Variants in CAMKMT observed in about 807,000 individuals in gnomAD.
CAMKMT encodes the protein CaM KMT.
A neutral mutation model predicts 48.0 loss-of-function variants in CAMKMT; 53 were observed. That is an observed-to-expected ratio of 1.10 (90% CI 0.89 to 1.39). CAMKMT has a LOEUF of 1.39. CAMKMT is among the 40% of genes most tolerant of loss of function. The probability of loss-of-function intolerance (pLI) is 0.00; values close to 1 mark genes in which losing one functional copy is unlikely to be tolerated. For missense variants in CAMKMT, 428 were observed against 402.7 expected (o/e 1.06, Z -0.54); for synonymous variants, 165 against 152.3 (o/e 1.08, Z -0.61).
At chr2:44,650,814 GT>G (rs1371599191) in intron 3 of CAMKMT, among the ~76,000 whole-genome samples, 1 of 150,986 alleles carries the variant, frequency 6.6e-6, no homozygotes, top group East Asian at 1.9e-4. Context: ...AGATTCATAA[GT>G]CCTAACTGTA....
At position 44,559,271 on chromosome 2, in the gene CAMKMT, G is replaced by T. The variant is rs1227745362; in HGVS notation, c.377-145012G>T. On this transcript the variant is annotated intron_variant, in intron 3 of 10. Transcript: ENST00000378494. Reference sequence around the variant, plus strand: ...TATTGCAGCTTCCCCTTCAGTTGAGGAACTCCTCCGAGAGCATCTGTCACA... The same window carrying T: ...TATTGCAGCTTCCCCTTCAGTTGAGTAACTCCTCCGAGAGCATCTGTCACA... 3.3e-5 allele frequency among the ~76,000 whole-genome samples: 5 copies of T among 152,114 alleles called. No homozygotes were observed. In the South Asian group the frequency reaches 1.0e-3, roughly 32 times the overall value.
At chr2:44,428,125 C>T (rs1200809420) in intron 3 of CAMKMT, among the ~76,000 whole-genome samples, 3 of 152,178 alleles carry the variant, frequency 2.0e-5, no homozygotes, top group Non-Finnish European at 4.4e-5. Flanking sequence ...TTTTTACACC[C>T]TGCCCTCTTG....
In CAMKMT at chr2:44,394,741, T is replaced by C. The variant is rs560836797; in HGVS notation, c.376+4436T>C. On this transcript the variant is annotated intron_variant, in intron 3 of 10. Transcript: ENST00000378494. ...CTGTGCCTGACCTGACCAGGATTTT[T>C]AATGCACACAGCTATAGACTTTGCT... 6.1e-5 allele frequency: 23 copies of C among 374,700 alleles called. No homozygotes were observed. In the East Asian group the frequency reaches 1.7e-3, roughly 28 times the overall value. The allele number at this position is 374,700 out of a possible 1,614,324, so 23.2% of individuals were successfully genotyped here.
At chr2:44,611,242 G>A (rs1671581373) in intron 3 of CAMKMT, among the ~76,000 whole-genome samples, 1 of 152,028 alleles carries the variant, frequency 6.6e-6, no homozygotes, top group East Asian at 1.9e-4. Flanking sequence ...GACCAACCTG[G>A]CCAACATGGT....
intron 3 of CAMKMT, among the ~76,000 whole-genome samples, chr2:44,461,149 A>C (rs1479822452): frequency 1.3e-5 from 2 of 152,232 alleles, no homozygotes; most frequent in Non-Finnish European, 1.5e-5. Context: ...CGGTCTAAAA[A>C]ATTTGTAAAT....
chr2:44,370,597 C>T (rs1009810556), intron 1 of CAMKMT, among the ~76,000 whole-genome samples: 10 of 151,808 alleles, frequency 6.6e-5, no homozygotes, highest in East Asian at 1.9e-4. Context: ...AAAGAAACAA[C>T]GTTTAGTATT....
At chr2:44,396,752 AAAAGAAAG>A (rs565515090) in intron 3 of CAMKMT, among the ~76,000 whole-genome samples, 1 of 151,582 alleles carries the variant, frequency 6.6e-6, no homozygotes, top group Non-Finnish European at 1.5e-5. Flanking sequence ...AAAAAAAAAA[AAAAGAAAG>A]AAAGAAAGAA....
chr2:44,668,084 A>G (rs919044801), intron 3 of CAMKMT, among the ~76,000 whole-genome samples: 4 of 152,192 alleles, frequency 2.6e-5, no homozygotes, highest in Non-Finnish European at 5.9e-5. Context: ...TCAAATCAGC[A>G]TTTGAGAAAT....
intron 8 of CAMKMT, among the ~76,000 whole-genome samples, chr2:44,744,575 C>T (rs991860258): frequency 6.6e-6 from 1 of 152,040 alleles, no homozygotes; most frequent in Admixed American, 6.6e-5. Context: ...TATTAGGACA[C>T]TTTAGATTTG....
At chr2:44,709,906 C>T (rs111517095) in intron 6 of CAMKMT, among the ~76,000 whole-genome samples, 15 of 152,118 alleles carry the variant, frequency 9.9e-5, no homozygotes, top group African/African-American at 3.6e-4. Flanking sequence ...AAGATGAGCA[C>T]ATTAAGAAAC....
chr2:44,568,590 G>A (rs1668734232), intron 3 of CAMKMT, among the ~76,000 whole-genome samples: 1 of 152,122 alleles, frequency 6.6e-6, no homozygotes. Flanking sequence ...TGGTTTTAGA[G>A]GAACTGAAGG....
intron 3 of CAMKMT, among the ~76,000 whole-genome samples, chr2:44,545,165 G>A (rs923441086): frequency 6.6e-6 from 1 of 152,158 alleles, no homozygotes; most frequent in African/African-American, 2.4e-5. Context: ...GCTCTGTCAC[G>A]GTATGGGGCA....
chr2:44,772,453 A>G lies in CAMKMT; in HGVS notation c.*340A>G. 1 of 194,416 alleles carries G rather than the reference A, an allele frequency of 5.1e-6. No individual in the cohort carries two copies. Among genetic ancestry groups the G allele is most frequent in the Non-Finnish European group, 1.0e-5 (1 of 99,598 alleles). 12.0% of individuals were successfully genotyped at this position (194,416 alleles called of 1,614,324 possible). A position where few individuals can be genotyped will look rare whatever the true frequency, so the allele number is the denominator to read the frequency against. On this transcript the variant is annotated 3_prime_UTR_variant, in exon 11 of 11. Coordinates refer to ENST00000378494, the MANE Select transcript of CAMKMT (RefSeq NM_024766.5). ...GACAGAATTTCTTTTGATGATACCC[A>G]TCCCTCCTTCATTTTTTTTTTTTTT...
intron 3 of CAMKMT, among the ~76,000 whole-genome samples, chr2:44,398,271 G>C (rs188418431): frequency 6.6e-6 from 1 of 152,162 alleles, no homozygotes; most frequent in African/African-American, 2.4e-5. Flanking sequence ...CTCCAAAACG[G>C]CGAGAAATGA....
chr2:44,369,577 G>A (rs1678954829), intron 1 of CAMKMT: 1 of 152,200 alleles, frequency 6.6e-6, no homozygotes, highest in Non-Finnish European at 1.5e-5. Flanking sequence ...GGCCAGCCAA[G>A]TGAAATACTA....
chr2:44,380,987 C>T (rs564761903), intron 2 of CAMKMT, among the ~76,000 whole-genome samples: 3 of 152,092 alleles, frequency 2.0e-5, no homozygotes, highest in African/African-American at 7.2e-5. Context: ...TAGTGAAACC[C>T]CATCTCTACT....
chr2:44,364,775 G>C (rs1397836607), intron 1 of CAMKMT, among the ~76,000 whole-genome samples: 1 of 152,182 alleles, frequency 6.6e-6, no homozygotes, highest in East Asian at 1.9e-4. Flanking sequence ...GTAGTCATCT[G>C]GGTATCTCTA....
chr2:44,452,969 T>A (rs1343562235), intron 3 of CAMKMT, among the ~76,000 whole-genome samples: 1 of 152,064 alleles, frequency 6.6e-6, no homozygotes, highest in Non-Finnish European at 1.5e-5. Context: ...TGCTAAATTA[T>A]ATGGTGAATT....
In CAMKMT at chr2:44,504,135, C is replaced by T. The variant is rs1375766735; in HGVS notation, c.376+113830C>T. ...TCCCAAAGGCCCTATCTTCAAATAC[C>T]ATCACATTAGGGATTAGGGTTTCAA... On this transcript the variant is annotated intron_variant, in intron 3 of 10. Coordinates refer to ENST00000378494, the MANE Select transcript of CAMKMT (RefSeq NM_024766.5). 3.9e-5 allele frequency among the ~76,000 whole-genome samples: 6 copies of T among 152,140 alleles called. No individual in the cohort carries two copies. In the South Asian group the frequency reaches 1.2e-3, roughly 32 times the overall value.
Sources: gnomAD v4.1 joint callset for allele counts (sites outside exome capture counted in the v4.1 genomes callset) on GRCh38, gnomAD v4.1.1 for gene constraint, MANE v1.5 for transcripts, NCBI Gene and HGNC (gene_info 2026-07-23, HGNC 2026-07-21) for gene names.